Variants in FNBP1 observed in about 807,000 individuals in gnomAD.
The protein encoded by FNBP1 is formin-binding protein 1.
In FNBP1, 26 loss-of-function variants were observed where a neutral mutation model predicts 90.6. That is an observed-to-expected ratio of 0.29 (90% CI 0.21 to 0.40). FNBP1 has a LOEUF of 0.40. Ranked by LOEUF, FNBP1 falls within the 10% of genes least tolerant of loss-of-function variation. The probability of loss-of-function intolerance (pLI) is 1.00; values close to 1 mark genes in which losing one functional copy is unlikely to be tolerated. For missense variants in FNBP1, 635 were observed against 768.0 expected (o/e 0.83, Z 2.05); for synonymous variants, 260 against 265.2 (o/e 0.98, Z 0.19).
intron 12 of FNBP1, among the ~76,000 whole-genome samples, chr9:129,905,753 C>A (rs2037913558): frequency 6.6e-6 from 1 of 152,052 alleles, no homozygotes; most frequent in African/African-American, 2.4e-5. Context: ...TCTCTATATG[C>A]GTGGCTTTAA....
chr9:129,945,256 T>C lies in FNBP1; in HGVS notation c.513+12104A>G, dbSNP rs761946487. On this transcript the variant is annotated intron_variant, in intron 6 of 16. Coordinates refer to ENST00000446176, the MANE Select transcript of FNBP1 (RefSeq NM_015033.3). ...CAATATCCATTTTTGGTAATACTTA[T>C]AATAAAATTCTTTATACTTTTCTCT... Among the ~76,000 whole-genome samples, 10 of 152,208 alleles carry C rather than the reference T, an allele frequency of 6.6e-5. No individual in the cohort carries two copies. In the East Asian group the frequency reaches 7.7e-4, roughly 12 times the overall value.
chr9:129,909,341 G>A (rs537907191), intron 11 of FNBP1, among the ~76,000 whole-genome samples: 1 of 152,204 alleles, frequency 6.6e-6, no homozygotes, highest in South Asian at 2.1e-4. Context: ...CCTACCAAGT[G>A]TTACCATCAA....
At chr9:129,929,499 C>A in intron 7 of FNBP1, 68 bp downstream of exon 7, 1 of 1,417,650 alleles carries the variant, frequency 7.1e-7, no homozygotes, top group South Asian at 1.2e-5. Context: ...AATCACGATT[C>A]AGAAGTGTCA....
At position 129,944,425 on chromosome 9, in the gene FNBP1, C is replaced by G. The variant is rs1173260964; in HGVS notation, c.513+12935G>C. Among the ~76,000 whole-genome samples, 3 of 150,822 alleles carry G rather than the reference C, an allele frequency of 2.0e-5. No homozygotes were observed. In the East Asian group the frequency reaches 5.9e-4, roughly 30 times the overall value. ...GCGTCGTGGTGGGCGCCTGTAGTCC[C>G]AGCTACTTGGGACGCTGAGGCAGGA... On this transcript the variant is annotated intron_variant, in intron 6 of 16. Transcript: ENST00000446176.
At chr9:129,932,723 A>G (rs556836112) in intron 6 of FNBP1, among the ~76,000 whole-genome samples, 2 of 152,064 alleles carry the variant, frequency 1.3e-5, no homozygotes, top group African/African-American at 4.8e-5. Context: ...CTTCCTGACC[A>G]TATGCCTTGG....
intron 6 of FNBP1, among the ~76,000 whole-genome samples, chr9:129,939,163 T>C (rs1363814016): frequency 2.6e-5 from 4 of 151,462 alleles, no homozygotes; most frequent in Non-Finnish European, 5.9e-5. Flanking sequence ...CTGAGGCGGG[T>C]GGATCACCTG....
At chr9:130,003,855 C>G (rs2055243698) in intron 1 of FNBP1, among the ~76,000 whole-genome samples, 1 of 141,906 alleles carries the variant, frequency 7.0e-6, no homozygotes, top group Non-Finnish European at 1.5e-5. Context: ...ACCCGGGAGG[C>G]AGAGCTTGCA....
intron 1 of FNBP1, among the ~76,000 whole-genome samples, chr9:130,004,788 G>A (rs113303244): frequency 0.033 from 5,076 of 152,262 alleles, 175 homozygotes; most frequent in Admixed American, 0.095. Context: ...TTTACAGGCC[G>A]GGCGTGGTGG....
chr9:129,958,787 C>T (rs910283854), intron 4 of FNBP1, among the ~76,000 whole-genome samples: 2 of 151,282 alleles, frequency 1.3e-5, no homozygotes, highest in Non-Finnish European at 2.9e-5. Context: ...TCAAGACAGC[C>T]TGGGCAACAC....
At position 129,888,094 on chromosome 9, in the gene FNBP1, G is replaced by T. The variant is rs1456781941; in HGVS notation, c.*2445C>A. On this transcript the variant is annotated 3_prime_UTR_variant, in exon 17 of 17. Transcript: ENST00000446176. ...AACATTCTTTTTGGACGCAGGTGGT[G>T]GAAAAGTTTAAAAAACAGGCGGAGG... 4 of 232,728 alleles carry T rather than the reference G, an allele frequency of 1.7e-5. No individual in the cohort carries two copies. The highest frequency in any genetic ancestry group is 8.8e-5 in the African/African-American group (4 of 45,300). The allele number at this position is 232,728 out of a possible 1,614,324, so 14.4% of individuals were successfully genotyped here. A position where few individuals can be genotyped will look rare whatever the true frequency, so the allele number is the denominator to read the frequency against.
chr9:130,013,140 T>C (rs2056837033), intron 1 of FNBP1, among the ~76,000 whole-genome samples: 1 of 152,048 alleles, frequency 6.6e-6, no homozygotes, highest in Admixed American at 6.6e-5. Flanking sequence ...ACTCCTTCAA[T>C]TGTTCTATTT....
intron 6 of FNBP1, among the ~76,000 whole-genome samples, chr9:129,945,513 GT>G (rs1022224907): frequency 6.6e-6 from 1 of 152,178 alleles, no homozygotes; most frequent in African/African-American, 2.4e-5. Flanking sequence ...TGTCAACCTA[GT>G]ACTACAGCAA....
intron 1 of FNBP1, among the ~76,000 whole-genome samples, chr9:130,008,381 T>A (rs142782976): frequency 1.5e-4 from 23 of 152,124 alleles, no homozygotes; most frequent in African/African-American, 5.3e-4. Context: ...CCTAATTTTT[T>A]AAATAGTTTA....
intron 10 of FNBP1, among the ~76,000 whole-genome samples, chr9:129,922,793 A>G (rs1460623196): frequency 6.6e-6 from 1 of 152,164 alleles, no homozygotes; most frequent in Admixed American, 6.5e-5. Context: ...CATTACACTC[A>G]CATTGCTTCA....
chr9:129,913,401 A>G (rs912777354), intron 11 of FNBP1, among the ~76,000 whole-genome samples: 3 of 152,134 alleles, frequency 2.0e-5, no homozygotes, highest in Admixed American at 2.0e-4. Flanking sequence ...TTGGTATGGG[A>G]AGAGAGGGTC....
chr9:129,905,294 G>GTGTATATATATATATATATATATA (rs374989661), intron 12 of FNBP1, among the ~76,000 whole-genome samples: 2 of 132,336 alleles, frequency 1.5e-5, no homozygotes, highest in African/African-American at 2.9e-5. Context: ...GTGTGTGTGT[G>GTGTATATATATATATATATATATA]TATATATATA....
chr9:129,993,589 T>C (rs938849117), intron 2 of FNBP1, among the ~76,000 whole-genome samples: 5 of 150,198 alleles, frequency 3.3e-5, no homozygotes, highest in African/African-American at 1.2e-4. Context: ...GTGCTGGGAT[T>C]GCAGGCATGA....
chr9:129,969,679 G>A (rs767479863), intron 4 of FNBP1, among the ~76,000 whole-genome samples: 12 of 151,872 alleles, frequency 7.9e-5, no homozygotes, highest in Non-Finnish European at 1.5e-4. Context: ...AAAGGCCGAC[G>A]CGGGAAGATT....
At position 130,042,919 on chromosome 9, in the gene FNBP1, C is replaced by A. The variant is rs1387618256; in HGVS notation, c.24+33G>T. 3 of 1,224,986 alleles carry A rather than the reference C, an allele frequency of 2.4e-6. No individual in the cohort carries two copies. Among genetic ancestry groups the A allele is most frequent in the African/African-American group, 3.1e-5 (2 of 63,822 alleles). 75.9% of individuals were successfully genotyped at this position (1,224,986 alleles called of 1,614,324 possible). A position where few individuals can be genotyped will look rare whatever the true frequency, so the allele number is the denominator to read the frequency against. On this transcript the variant is annotated intron_variant, in intron 1 of 16. Transcript: ENST00000446176. This position sits in a 1 kb window ranked among gnomAD's most constrained non-coding sequence, Gnocchi z 5.5. ...CCGCGGGGAAACGCAGCGCGCGCCC[C>A]GCATCTGCCCGCGGGCCCAGCCCCT... is the stretch of plus-strand genomic sequence containing the variant.
Sources: allele counts gnomAD v4.1 joint callset (sites outside exome capture counted in the v4.1 genomes callset), GRCh38; gene constraint gnomAD v4.1.1; non-coding constraint Gnocchi (gnomAD v3.1); transcripts MANE v1.5; gene names NCBI Gene and HGNC (gene_info 2026-07-23, HGNC 2026-07-21).